The following IGFBP7 variants were observed in gnomAD, a reference collection of about 807,000 sequenced individuals.
IGFBP7 encodes the protein insulin-like growth factor-binding protein 7.
A neutral mutation model predicts 29.4 loss-of-function variants in IGFBP7; 31 were observed. That is an observed-to-expected ratio of 1.05 (90% CI 0.79 to 1.42). The LOEUF is 1.42. Among genes scored for constraint, IGFBP7 ranks in the 40% most tolerant of loss-of-function variants. IGFBP7 has a pLI of 0.00. For synonymous variants in IGFBP7, 172 were observed against 174.9 expected (o/e 0.98, Z 0.13); for missense variants, 393 against 395.5 (o/e 0.99, Z 0.05).
chr4:57,104,835 C>T (rs542045162), intron 1 of IGFBP7, among the ~76,000 whole-genome samples: 27 of 152,240 alleles, frequency 1.8e-4, no homozygotes, highest in African/African-American at 6.5e-4. Flanking sequence ...CAGATGAATT[C>T]CCTGGCCTAG....
intron 1 of IGFBP7, among the ~76,000 whole-genome samples, chr4:57,058,235 T>A (rs978668282): frequency 1.3e-5 from 2 of 152,214 alleles, no homozygotes; most frequent in Admixed American, 6.5e-5. Flanking sequence ...AAAGAACAGA[T>A]CTTTCTGGAA....
At chr4:57,066,799 G>A (rs1472646087) in intron 1 of IGFBP7, among the ~76,000 whole-genome samples, 1 of 151,836 alleles carries the variant, frequency 6.6e-6, no homozygotes, top group East Asian at 1.9e-4. Context: ...CTGACCTCAG[G>A]TGATTCACCT....
chr4:57,032,280 A>T, intron 4 of IGFBP7, 146 bp downstream of exon 4: 1 of 1,445,838 alleles, frequency 6.9e-7, no homozygotes, highest in Non-Finnish European at 9.1e-7. Context: ...CATGCTGTAC[A>T]TTTTAATGGC....
At chr4:57,084,957 A>AT (rs1008338622) in intron 1 of IGFBP7, among the ~76,000 whole-genome samples, 9 of 151,384 alleles carry the variant, frequency 5.9e-5, no homozygotes, top group East Asian at 5.8e-4. Context: ...TGCCTGGATA[A>AT]TTTTTTTTAA....
chr4:57,106,348 T>C (rs890167759), intron 1 of IGFBP7, among the ~76,000 whole-genome samples: 7 of 152,238 alleles, frequency 4.6e-5, no homozygotes, highest in East Asian at 1.9e-4. Context: ...AAAAGGATCA[T>C]AGGCAAGAGT....
intron 1 of IGFBP7, among the ~76,000 whole-genome samples, chr4:57,082,828 A>C (rs760968342): frequency 3.3e-5 from 5 of 152,062 alleles, no homozygotes; most frequent in Non-Finnish European, 5.9e-5. Flanking sequence ...GTTTTATTTT[A>C]AGACACAGGG....
chr4:57,064,337 C>T (rs529213550), intron 1 of IGFBP7, among the ~76,000 whole-genome samples: 2 of 152,182 alleles, frequency 1.3e-5, no homozygotes, highest in East Asian at 3.8e-4. Context: ...TGCACTCCAG[C>T]CTGGGTGACT....
At chr4:57,048,500 T>G (rs1724423226) in intron 1 of IGFBP7, among the ~76,000 whole-genome samples, 1 of 152,220 alleles carries the variant, frequency 6.6e-6, no homozygotes, top group East Asian at 1.9e-4. Context: ...GGATTTAAAT[T>G]TGGAGTATTA....
chr4:57,090,717 G>A (rs1303670975), intron 1 of IGFBP7, among the ~76,000 whole-genome samples: 2 of 151,916 alleles, frequency 1.3e-5, no homozygotes, highest in Non-Finnish European at 2.9e-5. Flanking sequence ...GTGTGGTGGT[G>A]CACGCCTGTA....
intron 1 of IGFBP7, among the ~76,000 whole-genome samples, chr4:57,084,788 G>GTTT (rs57704332): frequency 0.059 from 6,651 of 111,852 alleles, 257 homozygotes; most frequent in Non-Finnish European, 0.075. Flanking sequence ...TTTAAAAAAG[G>GTTT]TTTTTTTTTT....
At chr4:57,084,466 CAT>C (rs1482808287) in intron 1 of IGFBP7, among the ~76,000 whole-genome samples, 2 of 152,178 alleles carry the variant, frequency 1.3e-5, no homozygotes, top group Admixed American at 6.5e-5. Flanking sequence ...GAGTAAGTCA[CAT>C]GTTTATGCAT....
intron 1 of IGFBP7, among the ~76,000 whole-genome samples, chr4:57,079,180 G>A (rs1215333312): frequency 6.6e-6 from 1 of 152,052 alleles, no homozygotes; most frequent in Non-Finnish European, 1.5e-5. Flanking sequence ...TGTTAAACAC[G>A]ATCGTTTCTT....
intron 1 of IGFBP7, among the ~76,000 whole-genome samples, chr4:57,098,857 C>G (rs11573033): frequency 2.1e-3 from 325 of 152,328 alleles, no homozygotes; most frequent in African/African-American, 7.4e-3. Flanking sequence ...TTTTGGAGTT[C>G]TGTTCCTGGA....
At chr4:57,081,331 TA>T (rs1325010847) in intron 1 of IGFBP7, among the ~76,000 whole-genome samples, 1 of 152,130 alleles carries the variant, frequency 6.6e-6, no homozygotes, top group South Asian at 2.1e-4. Flanking sequence ...TGACAGCTGT[TA>T]AAATGCTTAA....
chr4:57,050,194 A>AT (rs1724467897), intron 1 of IGFBP7, among the ~76,000 whole-genome samples: 1 of 151,534 alleles, frequency 6.6e-6, no homozygotes, highest in Non-Finnish European at 1.5e-5. Flanking sequence ...ATGCTGGGTT[A>AT]TACTATTCAC....
chr4:57,075,708 G>A (rs907562942), intron 1 of IGFBP7, among the ~76,000 whole-genome samples: 5 of 151,994 alleles, frequency 3.3e-5, no homozygotes, highest in African/African-American at 1.2e-4. Context: ...GCTAAAAAAA[G>A]CTAAAGAGAA....
chr4:57,091,198 A>G (rs1725628364), intron 1 of IGFBP7, among the ~76,000 whole-genome samples: 2 of 152,248 alleles, frequency 1.3e-5, no homozygotes, highest in African/African-American at 4.8e-5. Flanking sequence ...GCACTTCCAC[A>G]TACTGGTAAT....
chr4:57,085,217 C>T (rs1282303457), intron 1 of IGFBP7, among the ~76,000 whole-genome samples: 1 of 151,492 alleles, frequency 6.6e-6, no homozygotes, highest in Non-Finnish European at 1.5e-5. Flanking sequence ...CTACATTTTT[C>T]TTGTATTTCA....
At chr4:57,087,693 A>T (rs1037732907) in intron 1 of IGFBP7, among the ~76,000 whole-genome samples, 4 of 152,240 alleles carry the variant, frequency 2.6e-5, no homozygotes, top group Non-Finnish European at 4.4e-5. Flanking sequence ...ACAATCTTGG[A>T]TTCATAAAGG....
Sources: allele counts gnomAD v4.1 joint callset (sites outside exome capture counted in the v4.1 genomes callset), GRCh38; gene constraint gnomAD v4.1.1; transcripts MANE v1.5; gene names NCBI Gene and HGNC (gene_info 2026-07-23, HGNC 2026-07-21).